The following PHACTR1 variants were observed in gnomAD, a reference collection of about 807,000 sequenced individuals.
PHACTR1 encodes RPEL repeat containing 1.
In PHACTR1, 16 loss-of-function variants were observed where a neutral mutation model predicts 69.2. That is an observed-to-expected ratio of 0.23 (90% CI 0.16 to 0.35). PHACTR1 has a LOEUF of 0.35. PHACTR1 is among the 10% of genes least tolerant of loss of function. The probability of loss-of-function intolerance (pLI) is 1.00; values close to 1 mark genes in which losing one functional copy is unlikely to be tolerated. For missense variants in PHACTR1, 510 were observed against 734.7 expected (o/e 0.69, Z 3.54); for synonymous variants, 312 against 284.5 (o/e 1.10, Z -0.97).
intron 4 of PHACTR1, among the ~76,000 whole-genome samples, chr6:12,784,034 A>G (rs908780606): frequency 1.3e-5 from 2 of 151,462 alleles, no homozygotes; most frequent in African/African-American, 4.9e-5. Context: ...ACATATGCAC[A>G]CACATATCTA....
chr6:12,798,900 T>G (rs1773392554), intron 4 of PHACTR1, among the ~76,000 whole-genome samples: 1 of 152,244 alleles, frequency 6.6e-6, no homozygotes, highest in Non-Finnish European at 1.5e-5. Flanking sequence ...CTCTATTCTT[T>G]CATTATAGTT....
chr6:13,004,311 A>G (rs1017323212), intron 4 of PHACTR1, among the ~76,000 whole-genome samples: 1 of 152,072 alleles, frequency 6.6e-6, no homozygotes, highest in African/African-American at 2.4e-5. Flanking sequence ...CATATTAATA[A>G]TAGCCATTCT....
chr6:13,265,410 T>A (rs1319414449), intron 10 of PHACTR1, among the ~76,000 whole-genome samples: 2 of 152,124 alleles, frequency 1.3e-5, no homozygotes, highest in African/African-American at 4.8e-5. Context: ...GTACACCGGA[T>A]CAGGGCAGCC....
At position 13,079,473 on chromosome 6, in the gene PHACTR1, T is replaced by C. The variant is rs1297496648; in HGVS notation, c.415+25944T>C. On this transcript the variant is annotated intron_variant, in intron 5 of 14. Transcript: ENST00000332995. Reference sequence around the variant, plus strand: ...TCCAGTTTTCATTGCCCTCCCAATCTCTATAGCCTTGAAAATGAGCTTTTC... The same window carrying C: ...TCCAGTTTTCATTGCCCTCCCAATCCCTATAGCCTTGAAAATGAGCTTTTC... Among the ~76,000 whole-genome samples the C allele has an allele frequency of 4.6e-5, 7 of 152,216 alleles. 1 individual carries two copies. In the East Asian group the frequency reaches 7.7e-4, roughly 17 times the overall value.
rs534633326 is a variant in PHACTR1, at chr6:12,750,969, A to G, written c.250+1179A>G. ...AAACTCTTGGAAATGGGACTAAATCAAACAAAATGTGTGTGTGTGTGTGTG... is the reference window on the plus strand; with the variant it reads ...AAACTCTTGGAAATGGGACTAAATCGAACAAAATGTGTGTGTGTGTGTGTG... On this transcript the variant is annotated intron_variant, in intron 4 of 14. Coordinates refer to ENST00000332995, the MANE Select transcript of PHACTR1 (RefSeq NM_030948.6). Among the ~76,000 whole-genome samples the G allele has an allele frequency of 4.2e-5, 6 of 141,266 alleles. No homozygotes were observed. In the South Asian group the frequency reaches 1.1e-3, roughly 26 times the overall value. The allele number at this position is 141,266 out of a possible 152,430, so 92.7% of individuals were successfully genotyped here. A position where few individuals can be genotyped will look rare whatever the true frequency, so the allele number is the denominator to read the frequency against.
Position 13,098,788 on chromosome 6 carries a change from C to T in PHACTR1, c.415+45259C>T, listed in dbSNP as rs566087426. Among the ~76,000 whole-genome samples, 9 of 152,310 alleles carry T rather than the reference C, an allele frequency of 5.9e-5. No individual in the cohort carries two copies. The South Asian group carries it at 1.9e-3, about 32-fold the overall frequency. On this transcript the variant is annotated intron_variant, in intron 5 of 14. Coordinates refer to ENST00000332995, the MANE Select transcript of PHACTR1 (RefSeq NM_030948.6). Reference sequence around the variant, plus strand: ...CTTAATTATTTCTGGGATGTGTTCACTTTTTTCTAATTCCAGTGACTCCTT... The same window carrying T: ...CTTAATTATTTCTGGGATGTGTTCATTTTTTTCTAATTCCAGTGACTCCTT...
intron 9 of PHACTR1, 119 bp from the exon 10 acceptor site, chr6:13,229,918 T>A: frequency 8.5e-7 from 1 of 1,182,096 alleles, no homozygotes; most frequent in Non-Finnish European, 1.2e-6. Flanking sequence ...ATTAACCACT[T>A]TCAGGTGTTA....
intron 4 of PHACTR1, among the ~76,000 whole-genome samples, chr6:13,050,401 A>G (rs1025587121): frequency 2.6e-5 from 4 of 152,316 alleles, no homozygotes; most frequent in African/African-American, 9.6e-5. Flanking sequence ...CCTGAGGCCC[A>G]CATCTGATCT....
At chr6:13,146,490 G>C (rs1459985775) in intron 5 of PHACTR1, among the ~76,000 whole-genome samples, 1 of 152,196 alleles carries the variant, frequency 6.6e-6, no homozygotes, top group Non-Finnish European at 1.5e-5. Context: ...TGTAAAACCT[G>C]ACTATCTTAA....
chr6:13,158,418 T>A (rs1189378006), intron 5 of PHACTR1, among the ~76,000 whole-genome samples: 2 of 152,224 alleles, frequency 1.3e-5, no homozygotes, highest in African/African-American at 4.8e-5. Context: ...CTGCCGTCAC[T>A]TCTGTGGGTA....
intron 4 of PHACTR1, among the ~76,000 whole-genome samples, chr6:12,897,698 TTTATTATTATTATTATTA>T (rs10526737): frequency 1.3e-5 from 2 of 148,878 alleles, no homozygotes; most frequent in South Asian, 2.1e-4. Context: ...TTTGTAATCT[TTTATTATTATTATTATTA>T]TTATTATTAT....
rs1821344881 is a variant in PHACTR1 at position 13,135,104 on chromosome 6, T to G, written c.416-25100T>G. ...CCACTAGCTCACTGCTCTGACTGCG[T>G]TTTATTGGAAATTTCAGCTAACTCT... On this transcript the variant is annotated intron_variant, in intron 5 of 14. Transcript: ENST00000332995. Among the ~76,000 whole-genome samples the G allele has an allele frequency of 2.0e-5, 3 of 152,278 alleles. No homozygotes were observed. In the South Asian group the frequency reaches 6.2e-4, roughly 32 times the overall value.
chr6:13,006,167 T>C (rs1279830226), intron 4 of PHACTR1, among the ~76,000 whole-genome samples: 1 of 152,234 alleles, frequency 6.6e-6, no homozygotes, highest in African/African-American at 2.4e-5. Flanking sequence ...ATACAGATGA[T>C]AGATAAGAAC....
intron 4 of PHACTR1, among the ~76,000 whole-genome samples, chr6:13,037,255 ATCTC>A (rs1419917984): frequency 2.6e-5 from 4 of 152,120 alleles, no homozygotes; most frequent in Non-Finnish European, 5.9e-5. Context: ...CAGAATAGGT[ATCTC>A]TCTCTAAGTG....
At chr6:13,193,985 C>A (rs1468463196) in intron 7 of PHACTR1, among the ~76,000 whole-genome samples, 1 of 152,178 alleles carries the variant, frequency 6.6e-6, no homozygotes, top group African/African-American at 2.4e-5. Flanking sequence ...TCCATGGCTG[C>A]AGACATAAAC....
At chr6:13,087,552 A>G (rs751593522) in intron 5 of PHACTR1, among the ~76,000 whole-genome samples, 1 of 152,174 alleles carries the variant, frequency 6.6e-6, no homozygotes, top group Non-Finnish European at 1.5e-5. Context: ...TAAGAAAATC[A>G]TATAATTATC....
At chr6:12,931,344 CTCAGGG>C (rs1438497323) in intron 4 of PHACTR1, among the ~76,000 whole-genome samples, 1 of 152,130 alleles carries the variant, frequency 6.6e-6, no homozygotes, top group Non-Finnish European at 1.5e-5. Context: ...TAAGTTTAGT[CTCAGGG>C]TCATACCTAC....
intron 5 of PHACTR1, among the ~76,000 whole-genome samples, chr6:13,138,631 G>T (rs116635533): frequency 1.1e-3 from 170 of 152,276 alleles, no homozygotes; most frequent in Non-Finnish European, 2.2e-3. Context: ...GTTGGAAAGA[G>T]ACCTCAGAGG....
intron 4 of PHACTR1, among the ~76,000 whole-genome samples, chr6:12,801,366 G>C (rs1773675857): frequency 6.6e-6 from 1 of 152,146 alleles, no homozygotes. Flanking sequence ...ATACTTGCTT[G>C]AGCAAAATGT....
Sources: allele counts gnomAD v4.1 joint callset (sites outside exome capture counted in the v4.1 genomes callset), GRCh38; gene constraint gnomAD v4.1.1; transcripts MANE v1.5; gene names NCBI Gene and HGNC (gene_info 2026-07-23, HGNC 2026-07-21).